The following SLC28A3 variants were observed in gnomAD, a reference collection of about 807,000 sequenced individuals.
SLC28A3 encodes the protein concentrative Na(+)-nucleoside cotransporter 3.
SLC28A3 carries 68 observed loss-of-function variants against 84.2 expected under a neutral mutation model. That is an observed-to-expected ratio of 0.81 (90% CI 0.66 to 0.99). The LOEUF (loss-of-function observed/expected upper bound fraction) is 0.99. Among genes scored for constraint, SLC28A3 ranks in the 50% least tolerant of loss-of-function variants. The pLI, the probability that SLC28A3 is intolerant of heterozygous loss-of-function variation, is 0.00. For missense variants in SLC28A3, 712 were observed against 841.5 expected (o/e 0.85, Z 1.90); for synonymous variants, 267 against 303.6 (o/e 0.88, Z 1.25).
chr9:84,347,204 TAA>T, the SLC28A3 span, among the ~76,000 whole-genome samples: 376 of 62,376 alleles, frequency 6.0e-3, 1 homozygote, highest in African/African-American at 0.013. Flanking sequence ...AGACTCTGTC[TAA>T]AAAAAAAAAA....
intron 1 of SLC28A3, among the ~76,000 whole-genome samples, chr9:84,331,722 G>A (rs1195121802): frequency 6.6e-6 from 1 of 152,176 alleles, no homozygotes; most frequent in South Asian, 2.1e-4. Context: ...CAGGGAGGAG[G>A]AAACTTGAGT....
At chr9:84,328,063 G>A (rs933662750) in intron 1 of SLC28A3, among the ~76,000 whole-genome samples, 7 of 151,068 alleles carry the variant, frequency 4.6e-5, no homozygotes, top group African/African-American at 7.3e-5. Flanking sequence ...GGTAACTGTT[G>A]GGAAAAACAA....
chr9:84,349,910 A>G, the SLC28A3 span, among the ~76,000 whole-genome samples: 1 of 152,214 alleles, frequency 6.6e-6, no homozygotes, highest in Non-Finnish European at 1.5e-5. Flanking sequence ...AACAATGGGG[A>G]TACATTCTGA....
chr9:84,315,748 C>T (rs1305403828), intron 1 of SLC28A3, among the ~76,000 whole-genome samples: 1 of 152,194 alleles, frequency 6.6e-6, no homozygotes, highest in East Asian at 1.9e-4. Context: ...TGGAAAATGA[C>T]CATTAAGACA....
At chr9:84,367,576 A>G in the SLC28A3 span, among the ~76,000 whole-genome samples, 1 of 152,156 alleles carries the variant, frequency 6.6e-6, no homozygotes, top group Non-Finnish European at 1.5e-5. Context: ...CACACTCAGC[A>G]TGCGAGGACC....
chr9:84,292,802 T>G, intron 9 of SLC28A3, 54 bp from the exon 10 acceptor site: 5 of 1,268,810 alleles, frequency 3.9e-6, no homozygotes, highest in Non-Finnish European at 5.4e-6. Flanking sequence ...TACCCAAAAC[T>G]TCAAAGTAGG....
At chr9:84,309,523 CAAA>C (rs71366931) in intron 3 of SLC28A3, 103 bp downstream of exon 3, 20,129 of 234,450 alleles carry the variant, frequency 0.086, 86 homozygotes, top group East Asian at 0.22. Context: ...ACTCTTATCT[CAAA>C]AAAAAAAAAA....
intron 1 of SLC28A3, among the ~76,000 whole-genome samples, chr9:84,337,432 C>G (rs773543423): frequency 2.4e-4 from 36 of 151,308 alleles, no homozygotes; most frequent in African/African-American, 8.3e-4. Context: ...GGATGCTAGC[C>G]TGTGTGTGTG....
At chr9:84,323,028 T>G (rs1826428263) in intron 1 of SLC28A3, among the ~76,000 whole-genome samples, 1 of 152,180 alleles carries the variant, frequency 6.6e-6, no homozygotes, top group Admixed American at 6.5e-5. Context: ...TTTTATTTAT[T>G]TATTTTTTTA....
At chr9:84,354,054 A>G in the SLC28A3 span, among the ~76,000 whole-genome samples, 2 of 152,256 alleles carry the variant, frequency 1.3e-5, no homozygotes, top group African/African-American at 2.4e-5. Flanking sequence ...ATGTGGCTCA[A>G]TGCCTGGCTC....
chr9:84,289,139 T>C (rs1390022980), intron 11 of SLC28A3, among the ~76,000 whole-genome samples: 1 of 152,208 alleles, frequency 6.6e-6, no homozygotes, highest in Non-Finnish European at 1.5e-5. Flanking sequence ...TCCCTGTTCC[T>C]GTTCCCCCCA....
At chr9:84,285,290 A>G in intron 14 of SLC28A3, 55 bp downstream of exon 14, 2 of 1,543,584 alleles carry the variant, frequency 1.3e-6, no homozygotes, top group South Asian at 2.3e-5. Context: ...TAAGTAATAG[A>G]CGAATGCAGG....
intron 11 of SLC28A3, 81 bp downstream of exon 11, chr9:84,290,073 C>T: frequency 6.5e-7 from 1 of 1,546,252 alleles, no homozygotes; most frequent in Non-Finnish European, 8.7e-7. Context: ...CTCCTTTTTC[C>T]ACCAGCAATG....
At chr9:84,291,754 C>G (rs1418688495) in intron 10 of SLC28A3, among the ~76,000 whole-genome samples, 1 of 152,176 alleles carries the variant, frequency 6.6e-6, no homozygotes, top group African/African-American at 2.4e-5. Flanking sequence ...TTCTGAGTGA[C>G]TTGATTTTTG....
chr9:84,325,278 G>GA (rs1048303124), intron 1 of SLC28A3, among the ~76,000 whole-genome samples: 4 of 151,602 alleles, frequency 2.6e-5, no homozygotes, highest in African/African-American at 7.3e-5. Context: ...AATGTAACAT[G>GA]AAAAAAAATA....
intron 1 of SLC28A3, among the ~76,000 whole-genome samples, chr9:84,326,033 G>A (rs556087205): frequency 2.0e-5 from 3 of 152,200 alleles, no homozygotes; most frequent in Admixed American, 6.5e-5. Context: ...ATCCAGAATC[G>A]TGGCTTTGAG....
intron 2 of SLC28A3, among the ~76,000 whole-genome samples, chr9:84,311,168 A>G (rs887422574): frequency 1.3e-5 from 2 of 152,152 alleles, no homozygotes; most frequent in East Asian, 1.9e-4. Flanking sequence ...CATCCTGCCA[A>G]TGTCACCCAA....
chr9:84,344,400 G>A (rs2118661783), upstream of SLC28A3, among the ~76,000 whole-genome samples: 1 of 152,010 alleles, frequency 6.6e-6, no homozygotes, highest in South Asian at 2.1e-4. Context: ...TGTTGGCCAG[G>A]CTGGTCTTGA....
the SLC28A3 span, among the ~76,000 whole-genome samples, chr9:84,356,061 C>T: frequency 5.3e-5 from 8 of 152,070 alleles, no homozygotes; most frequent in East Asian, 5.8e-4. Context: ...TCAAGCAATC[C>T]GACTGCCTCA....
Sources: gnomAD v4.1 joint callset for allele counts (sites outside exome capture counted in the v4.1 genomes callset) on GRCh38, gnomAD v4.1.1 for gene constraint, MANE v1.5 for transcripts, NCBI Gene and HGNC (gene_info 2026-07-23, HGNC 2026-07-21) for gene names.